SS18: variants seen among roughly 807,000 people sequenced by gnomAD.
The protein encoded by SS18 is SS18 subunit of BAF chromatin remodeling complex.
A neutral mutation model predicts 72.5 loss-of-function variants in SS18; 28 were observed. The observed-to-expected ratio is 0.39, with a 90% CI of 0.29 to 0.53. The LOEUF (loss-of-function observed/expected upper bound fraction) is 0.53, where lower values mean the gene tolerates loss of function less well. Ranked by LOEUF, SS18 falls within the 20% of genes least tolerant of loss-of-function variation. The probability of loss-of-function intolerance (pLI) is 0.76; values close to 1 mark genes in which losing one functional copy is unlikely to be tolerated. For missense variants in SS18, 518 were observed against 535.3 expected (o/e 0.97, Z 0.32); for synonymous variants, 172 against 164.2 (o/e 1.05, Z -0.37).
chr18:26,074,455 ATAC>A (rs1353307955), intron 3 of SS18, among the ~76,000 whole-genome samples: 2 of 152,054 alleles, frequency 1.3e-5, no homozygotes, highest in Non-Finnish European at 2.9e-5. Context: ...CCGAAACAAG[ATAC>A]TACAATAGAC....
intron 3 of SS18, among the ~76,000 whole-genome samples, chr18:26,075,130 A>G (rs2054389178): frequency 6.6e-6 from 1 of 151,966 alleles, no homozygotes; most frequent in Non-Finnish European, 1.5e-5. Flanking sequence ...TGGCTTTTCT[A>G]AAGAATTGTA....
chr18:26,082,275 T>C (rs1478182902), intron 2 of SS18: 1 of 670,526 alleles, frequency 1.5e-6, no homozygotes, highest in Non-Finnish European at 1.8e-6. Flanking sequence ...CATCAATTAC[T>C]TTGAATAAAG....
intron 5 of SS18, among the ~76,000 whole-genome samples, chr18:26,042,933 A>C (rs1421987857): frequency 6.6e-6 from 1 of 152,178 alleles, no homozygotes; most frequent in Admixed American, 6.5e-5. Context: ...TCAGATACAA[A>C]CCAATACACT....
chr18:26,048,771 G>C (rs2053873523), intron 5 of SS18, among the ~76,000 whole-genome samples: 1 of 152,142 alleles, frequency 6.6e-6, no homozygotes, highest in South Asian at 2.1e-4. Flanking sequence ...TTAGCCACGT[G>C]AATCAACACT....
chr18:26,039,423 T>A lies in SS18; in HGVS notation c.641A>T (p.Gln214Leu). 1.2e-6 allele frequency: 2 copies of A among 1,613,782 alleles called. No homozygotes were observed. Among genetic ancestry groups the A allele is most frequent in the Non-Finnish European group, 1.7e-6 (2 of 1,179,794 alleles). The change falls in exon 6 of 11, where the codon CAA (glutamine) becomes CTA (leucine). Residue 214 changes from glutamine to leucine, a missense_variant. Gln to Leu is a moderately radical substitution (Grantham distance 113). Coordinates refer to ENST00000415083, the MANE Select transcript of SS18 (RefSeq NM_001007559.3). ...TCCGCCTCCCTGTGGCATATTGTAT[T>A]GCTGAGAAGGAGGCTGCTGATGCAT... ...PMMHQQPPSQQYNMPQGGGQH... is the reference protein window; with the variant it reads ...PMMHQQPPSQLYNMPQGGGQH...
intron 1 of SS18, among the ~76,000 whole-genome samples, chr18:26,088,750 C>T (rs2054661484): frequency 6.6e-6 from 1 of 152,164 alleles, no homozygotes; most frequent in Non-Finnish European, 1.5e-5. Context: ...TCCTCCAGAA[C>T]CTGCCCCACC....
intron 10 of SS18, among the ~76,000 whole-genome samples, chr18:26,031,854 GAGTGA>G (rs1379046479): frequency 3.9e-5 from 6 of 152,256 alleles, no homozygotes; most frequent in Middle Eastern, 6.8e-3. Flanking sequence ...GGATATGCTG[GAGTGA>G]AGTGGAGTGC....
chr18:26,057,477 CG>C, intron 4 of SS18, 111 bp downstream of exon 4: 1 of 1,237,240 alleles, frequency 8.1e-7, no homozygotes. Context: ...AGCTTGTACT[CG>C]GGGGCATTCA....
At chr18:26,024,070 AAAAAC>A (rs1409381861) in intron 10 of SS18, among the ~76,000 whole-genome samples, 1 of 152,182 alleles carries the variant, frequency 6.6e-6, no homozygotes, top group Non-Finnish European at 1.5e-5. Flanking sequence ...TTTAAGTAAA[AAAAAC>A]AAAACACCAG....
intron 1 of SS18, among the ~76,000 whole-genome samples, chr18:26,088,106 G>A (rs1013803503): frequency 5.9e-5 from 9 of 152,138 alleles, no homozygotes; most frequent in African/African-American, 2.2e-4. Flanking sequence ...ATGATATCGT[G>A]TTTAATCAAT....
intron 4 of SS18, among the ~76,000 whole-genome samples, chr18:26,057,301 T>C (rs1165534028): frequency 3.3e-5 from 5 of 152,214 alleles, no homozygotes; most frequent in African/African-American, 1.2e-4. Context: ...CGCCTTTTTT[T>C]CCAAAAAGCT....
intron 5 of SS18, among the ~76,000 whole-genome samples, chr18:26,044,401 G>A (rs1337441972): frequency 6.7e-6 from 1 of 149,282 alleles, no homozygotes; most frequent in Non-Finnish European, 1.5e-5. Flanking sequence ...TCGGCTGACT[G>A]CAACCTCCGC....
chr18:26,032,273 T>C, intron 10 of SS18, 126 bp downstream of exon 10: 2 of 1,103,670 alleles, frequency 1.8e-6, no homozygotes, highest in South Asian at 1.6e-5. Context: ...TGTTAACAAA[T>C]GTACCATAAA....
At chr18:26,087,630 A>C (rs2054639639) in intron 1 of SS18, 53 bp from the exon 2 acceptor site, 2 of 1,039,830 alleles carry the variant, frequency 1.9e-6, no homozygotes, top group Admixed American at 4.4e-5. Flanking sequence ...CAAGTAAAAT[A>C]AAAAACTAGA....
intron 3 of SS18, among the ~76,000 whole-genome samples, chr18:26,068,860 C>A (rs779761898): frequency 6.6e-6 from 1 of 151,982 alleles, no homozygotes; most frequent in African/African-American, 2.4e-5. Context: ...AAGATACTTA[C>A]AAAAATTTTA....
At chr18:26,090,640 G>C (rs769138103), upstream of SS18, 756 of 1,463,340 alleles carry the variant, frequency 5.2e-4, no homozygotes, top group Non-Finnish European at 6.8e-4. Flanking sequence ...GAGAGACGCC[G>C]GCCTCTCGGG....
At chr18:26,054,413 T>C (rs2143993474) in intron 4 of SS18, among the ~76,000 whole-genome samples, 1 of 152,280 alleles carries the variant, frequency 6.6e-6, no homozygotes, top group Non-Finnish European at 1.5e-5. Context: ...TGTGCATGCG[T>C]ATTGACACAC....
At chr18:26,058,089 T>C (rs2054056681) in intron 3 of SS18, among the ~76,000 whole-genome samples, 1 of 152,180 alleles carries the variant, frequency 6.6e-6, no homozygotes, top group African/African-American at 2.4e-5. Flanking sequence ...CACTTATTAA[T>C]GATGGATTTT....
At chr18:26,081,547 T>C (rs1400615247) in intron 2 of SS18, among the ~76,000 whole-genome samples, 1 of 152,120 alleles carries the variant, frequency 6.6e-6, no homozygotes, top group Non-Finnish European at 1.5e-5. Flanking sequence ...AACAAAAAAG[T>C]AGTAAATACT....
Sources: allele counts gnomAD v4.1 joint callset (sites outside exome capture counted in the v4.1 genomes callset), GRCh38; gene constraint gnomAD v4.1.1; transcripts MANE v1.5; gene names NCBI Gene and HGNC (gene_info 2026-07-23, HGNC 2026-07-21).